The following LIME1 variants were observed in gnomAD, a reference collection of about 807,000 sequenced individuals.
LIME1 encodes the protein Lck interacting transmembrane adaptor 1, also known as lck-interacting transmembrane adapter 1.
A neutral mutation model predicts 18.8 loss-of-function variants in LIME1; 23 were observed. The ratio of observed to expected loss-of-function variants is 1.22; its 90% CI spans 0.88 to 1.73. The LOEUF (loss-of-function observed/expected upper bound fraction) is 1.73, where lower values mean the gene tolerates loss of function less well. LIME1 is among the 40% of genes most tolerant of loss of function. The pLI, the probability that LIME1 is intolerant of heterozygous loss-of-function variation, is 0.00. For missense variants in LIME1, 423 were observed against 396.8 expected (o/e 1.07, Z -0.56); for synonymous variants, 177 against 182.3 (o/e 0.97, Z 0.23).
At position 63,737,895 on chromosome 20, in the gene LIME1, C is replaced by A; in HGVS notation, c.173C>A (p.Ala58Glu). ...RARLQGSATA[A>E]EASLLRRTHL... ...AGGCTGCAGGGCAGTGCGACGGCGG[C>A]GGAAGCGGTGAGTGCCAGGCTGTCC... is the stretch of plus-strand genomic sequence containing the variant. Residue 58 changes from alanine (A) to glutamate (E), a missense_variant, in exon 3 of 6, where the codon GCG becomes GAG. Transcript: ENST00000309546. 6.3e-7 allele frequency: 1 copy of A among 1,580,014 alleles called. No homozygotes were observed. The highest frequency in any genetic ancestry group is 8.6e-7 in the Non-Finnish European group (1 of 1,167,586).
At chr20:63,736,147 G>A (rs556968719), upstream of LIME1, 6 of 608,618 alleles carry the variant, frequency 9.9e-6, no homozygotes, top group Non-Finnish European at 1.1e-5. Context: ...GTGTCATTCA[G>A]TGGAGATCAG....
In LIME1 at chr20:63,739,102, C is replaced by A; in HGVS notation, c.*202C>A. On this transcript the variant is annotated 3_prime_UTR_variant, in exon 6 of 6. Transcript: ENST00000309546. ...ATAAAGCGCCAGCGCAGGATGAAAGCGGCCAGCCTCGCAGCCTGCTCTTCT... is the reference window on the plus strand; with the variant it reads ...ATAAAGCGCCAGCGCAGGATGAAAGAGGCCAGCCTCGCAGCCTGCTCTTCT... 1.9e-6 allele frequency: 1 copy of A among 515,118 alleles called. No individual in the cohort carries two copies. The highest frequency in any genetic ancestry group is 3.4e-6 in the Non-Finnish European group (1 of 295,560). The allele number at this position is 515,118 out of a possible 1,614,324, so 31.9% of individuals were successfully genotyped here.
chr20:63,736,983 G>A, intron 1 of LIME1: 1 of 985,780 alleles, frequency 1.0e-6, no homozygotes, highest in Non-Finnish European at 1.2e-6. Context: ...GAGCCAGAGA[G>A]AAGTGGGGTG....
In LIME1 at chr20:63,739,100, A is replaced by C; in HGVS notation, c.*200A>C. 6 of 513,116 alleles carry C rather than the reference A, an allele frequency of 1.2e-5. No individual in the cohort carries two copies. The highest frequency in any genetic ancestry group is 2.0e-5 in the African/African-American group (1 of 50,772). 31.8% of individuals were successfully genotyped at this position (513,116 alleles called of 1,614,324 possible). ...AAATAAAGCGCCAGCGCAGGATGAAAGCGGCCAGCCTCGCAGCCTGCTCTT... is the reference window on the plus strand; with the variant it reads ...AAATAAAGCGCCAGCGCAGGATGAACGCGGCCAGCCTCGCAGCCTGCTCTT... On this transcript the variant is annotated 3_prime_UTR_variant, in exon 6 of 6. Transcript: ENST00000309546.
At chr20:63,737,443 C>T in intron 1 of LIME1, 90 bp from the exon 2 acceptor site, 1 of 1,385,986 alleles carries the variant, frequency 7.2e-7, no homozygotes, top group Non-Finnish European at 9.3e-7. Context: ...ACGCAGGAGC[C>T]CCGCAGCCGC....
intron 1 of LIME1, chr20:63,737,250 G>A (rs1307475775): frequency 2.5e-6 from 3 of 1,195,036 alleles, no homozygotes; most frequent in Non-Finnish European, 3.1e-6. Context: ...GGCCACAGCT[G>A]TCTTGCCCCT....
At position 63,739,042 on chromosome 20, in the gene LIME1, G is replaced by C. The variant is rs933071533; in HGVS notation, c.*142G>C. The stretch of plus-strand genomic sequence containing the variant: ...AGGTCCTGGCCGCTCTGACAGCCGC[G>C]GCCTCCCCGGGCTCCAGAGAAGGCC... On this transcript the variant is annotated 3_prime_UTR_variant, in exon 6 of 6. Coordinates refer to ENST00000309546, the MANE Select transcript of LIME1 (RefSeq NM_017806.4). The C allele has an allele frequency of 7.1e-6, 5 of 700,098 alleles. No homozygotes were observed. In the African/African-American group the frequency reaches 9.2e-5, roughly 13 times the overall value. 43.4% of individuals were successfully genotyped at this position (700,098 alleles called of 1,614,324 possible).
chr20:63,737,731 C>G (rs1287130604), intron 2 of LIME1, 84 bp downstream of exon 2: 1 of 1,422,480 alleles, frequency 7.0e-7, no homozygotes, highest in African/African-American at 1.5e-5. Context: ...GGAGGCAGGT[C>G]CGCGCACCCA....
In LIME1 at chr20:63,737,650, A is replaced by T; in HGVS notation, c.98+3A>T. 6.3e-7 allele frequency: 1 copy of T among 1,578,428 alleles called. No homozygotes were observed. Among genetic ancestry groups the T allele is most frequent in the Non-Finnish European group, 8.6e-7 (1 of 1,164,764 alleles). On this transcript the variant is annotated splice_donor_region_variant and intron_variant, in intron 2 of 5. Coordinates refer to ENST00000309546, the MANE Select transcript of LIME1 (RefSeq NM_017806.4). ...GCGCTGTGCACAGCCTGCCGCAGGT[A>T]GGTCCCTCAGCCGCGTTCTGTCTGG...
chr20:63,737,776 C>T, intron 2 of LIME1, 45 bp from the exon 3 acceptor site: 3 of 1,422,768 alleles, frequency 2.1e-6, no homozygotes, highest in Non-Finnish European at 2.8e-6. Flanking sequence ...GCCTTGGACC[C>T]GAGGCTGACG....
At chr20:63,737,670 G>C in intron 2 of LIME1, 23 bp downstream of exon 2, 2 of 1,538,778 alleles carry the variant, frequency 1.3e-6, no homozygotes, top group South Asian at 1.2e-5. Context: ...GCCGCGTTCT[G>C]TCTGGGGCCT....
In LIME1 at chr20:63,737,541, C is replaced by A; in HGVS notation, c.-9C>A. 6.5e-7 allele frequency: 1 copy of A among 1,548,688 alleles called. No individual in the cohort carries two copies. Among genetic ancestry groups the A allele is most frequent in the Non-Finnish European group, 8.7e-7 (1 of 1,151,914 alleles). On this transcript the variant is annotated 5_prime_UTR_variant, in exon 2 of 6. Coordinates refer to ENST00000309546, the MANE Select transcript of LIME1 (RefSeq NM_017806.4). Reference sequence around the variant, plus strand: ...CTTTCTTCTGTCCCCAGGGCCTCGGCTTCACAGGATGGGGCTGCCAGTGTC... The same window carrying A: ...CTTTCTTCTGTCCCCAGGGCCTCGGATTCACAGGATGGGGCTGCCAGTGTC...
intron 2 of LIME1, 34 bp downstream of exon 2, chr20:63,737,681 C>G (rs1332762962): frequency 6.6e-7 from 1 of 1,513,986 alleles, no homozygotes; most frequent in African/African-American, 1.4e-5. Flanking sequence ...TCTGGGGCCT[C>G]GCTGCGGCTG....
Position 63,738,020 on chromosome 20 carries a change from CAGA to C in LIME1, c.229_231del (p.Arg77del). Reference sequence around the variant, plus strand: ...TCTGCTCCCTCAGCAAGTCGGACACCAGACTGCACGAGCTGCACCGGGGCCCGC... The same window carrying C: ...TCTGCTCCCTCAGCAAGTCGGACACCCTGCACGAGCTGCACCGGGGCCCGC... On this transcript the variant is annotated inframe_deletion, in exon 4 of 6. Transcript: ENST00000309546. 3.8e-6 allele frequency: 6 copies of C among 1,566,056 alleles called. No individual in the cohort carries two copies. In the South Asian group the frequency reaches 6.9e-5, roughly 18 times the overall value.
chr20:63,738,544 C>A, intron 5 of LIME1, 45 bp downstream of exon 5: 1 of 1,511,098 alleles, frequency 6.6e-7, no homozygotes. Flanking sequence ...GCCGGCAGAT[C>A]CTCAGCAGGT....
rs745489503 is a variant in LIME1 at position 63,738,597 on chromosome 20, G to A, written c.586-1G>A. 2 of 1,546,402 alleles carry A rather than the reference G, an allele frequency of 1.3e-6. No homozygotes were observed. Among genetic ancestry groups the A allele is most frequent in the Non-Finnish European group, 1.7e-6 (2 of 1,147,420 alleles). On this transcript the variant is annotated splice_acceptor_variant, in intron 5 of 5. Coordinates refer to ENST00000309546, the MANE Select transcript of LIME1 (RefSeq NM_017806.4). LOFTEE classifies it high-confidence loss of function. ...TCCTCGGGTTGGCTTCCTGTCTCCAGGTGGACGTCCTGTACTCCAGGGTCT... is the reference window on the plus strand; with the variant it reads ...TCCTCGGGTTGGCTTCCTGTCTCCAAGTGGACGTCCTGTACTCCAGGGTCT...
rs775769607 is a variant in LIME1, at chr20:63,738,194, G to A, written c.280G>A (p.Ala94Thr). ...GACCCCACCCCCAGCCCTGCGGCCT[G>A]CCAGCATGGATCTCCTGCGCCCACA... ...GPRSSRALRP[A>T]SMDLLRPHWL... The change falls in exon 5 of 6, where the codon GCC (alanine) becomes ACC (threonine). Residue 94 changes from alanine (A) to threonine (T), a missense_variant. By Grantham distance (58) the Ala-to-Thr change is moderately conservative. Coordinates refer to ENST00000309546, the MANE Select transcript of LIME1 (RefSeq NM_017806.4). 5.9e-5 allele frequency: 93 copies of A among 1,578,946 alleles called. No homozygotes were observed. In the South Asian group the frequency reaches 9.8e-4, roughly 17 times the overall value.
chr20:63,737,773 A>G, intron 2 of LIME1, 48 bp from the exon 3 acceptor site: 1 of 1,422,052 alleles, frequency 7.0e-7, no homozygotes. Context: ...CGGGCCTTGG[A>G]CCCGAGGCTG....
rs2092015549 is a variant in LIME1, at chr20:63,738,056, C to T, written c.264C>T (p.Ser88=). 7.3e-7 allele frequency: 1 copy of T among 1,372,216 alleles called. No individual in the cohort carries two copies. Among genetic ancestry groups the T allele is most frequent in the African/African-American group, 1.7e-5 (1 of 60,294 alleles). 85.0% of individuals were successfully genotyped at this position (1,372,216 alleles called of 1,614,324 possible). The change falls in exon 4 of 6, where the codon AGC becomes AGT. Residue 88 remains serine (S), a synonymous_variant. Coordinates refer to ENST00000309546, the MANE Select transcript of LIME1 (RefSeq NM_017806.4). The stretch of plus-strand genomic sequence containing the variant: ...AGCTGCACCGGGGCCCGCGCAGCAG[C>T]AGGGGTGAGCAGAGGGCGGGGCGGG... The part of the protein sequence containing the change: ...LHELHRGPRS[S]RALRPASMDL...
Sources: gnomAD v4.1 joint callset for allele counts on GRCh38, gnomAD v4.1.1 for gene constraint, MANE v1.5 for transcripts, NCBI Gene and HGNC (gene_info 2026-07-23, HGNC 2026-07-21) for gene names.